NCOA2: variants seen among roughly 807,000 people sequenced by gnomAD.
NCOA2 encodes the protein nuclear receptor coactivator 2.
Under a neutral mutation model 145.1 loss-of-function variants are expected in NCOA2, and 21 were observed. That is an observed-to-expected ratio of 0.14 (90% CI 0.10 to 0.21). NCOA2 has a LOEUF of 0.21. Ranked by LOEUF, NCOA2 falls within the 10% of genes least tolerant of loss-of-function variation. NCOA2 has a pLI of 1.00. For missense variants in NCOA2, 1,472 were observed against 1,837.6 expected, an observed-to-expected ratio of 0.80 and a Z score of 3.64; for synonymous variants, 619 against 637.5, an observed-to-expected ratio of 0.97 and a Z score of 0.44.
chr8:70,321,653 A>G (rs1440772580), intron 1 of NCOA2, among the ~76,000 whole-genome samples: 3 of 152,126 alleles, frequency 2.0e-5, no homozygotes, highest in African/African-American at 7.2e-5. Flanking sequence ...TCGCCACACA[A>G]GAAGCAAAAC....
intron 1 of NCOA2, among the ~76,000 whole-genome samples, chr8:70,358,559 C>CA (rs916251951): frequency 6.6e-6 from 1 of 151,940 alleles, no homozygotes; most frequent in African/African-American, 2.4e-5. Context: ...TATCCACATA[C>CA]AAAAAAATGA....
upstream of NCOA2, among the ~76,000 whole-genome samples, chr8:70,405,195 C>CT (rs1267228388): frequency 2.0e-5 from 3 of 152,100 alleles, no homozygotes; most frequent in Non-Finnish European, 2.9e-5. Flanking sequence ...TTAAACATGT[C>CT]TTCATCCTAA....
chr8:70,315,386 C>T (rs1225534351), intron 1 of NCOA2, among the ~76,000 whole-genome samples: 3 of 152,130 alleles, frequency 2.0e-5, no homozygotes, highest in Non-Finnish European at 2.9e-5. Context: ...GTATGGATGA[C>T]GCCATTATGG....
At chr8:70,291,620 T>C (rs1826685898) in intron 2 of NCOA2, among the ~76,000 whole-genome samples, 1 of 152,230 alleles carries the variant, frequency 6.6e-6, no homozygotes, top group African/African-American at 2.4e-5. Flanking sequence ...GAAGATTGCC[T>C]GGACTGTGAT....
intron 4 of NCOA2, among the ~76,000 whole-genome samples, chr8:70,185,285 C>A (rs1815934678): frequency 6.6e-6 from 1 of 152,154 alleles, no homozygotes; most frequent in Non-Finnish European, 1.5e-5. Flanking sequence ...TTTCAAAAAG[C>A]AGGTGTTCCT....
intron 4 of NCOA2, among the ~76,000 whole-genome samples, chr8:70,184,831 G>C (rs543214187): frequency 2.4e-4 from 36 of 152,274 alleles, no homozygotes; most frequent in Non-Finnish European, 4.6e-4. Flanking sequence ...TCACCTTAAT[G>C]GTGGCTATCT....
chr8:70,228,087 A>G (rs1020259217), intron 2 of NCOA2, among the ~76,000 whole-genome samples: 2 of 152,216 alleles, frequency 1.3e-5, no homozygotes, highest in Admixed American at 1.3e-4. Context: ...GAATTACTAG[A>G]ACTTAGAAAG....
the NCOA2 span, among the ~76,000 whole-genome samples, chr8:70,448,201 G>A: frequency 2.0e-5 from 3 of 152,128 alleles, no homozygotes; most frequent in Non-Finnish European, 4.4e-5. Flanking sequence ...TTAGAGGACT[G>A]AGGAAATCAT....
the NCOA2 span, among the ~76,000 whole-genome samples, chr8:70,409,776 A>C: frequency 0.045 from 6,870 of 152,204 alleles, 563 homozygotes; most frequent in African/African-American, 0.16. Flanking sequence ...AGGCTGAGGC[A>C]GAAGGATCAC....
At chr8:70,162,552 C>T (rs1057456176) in intron 9 of NCOA2, among the ~76,000 whole-genome samples, 159 bp downstream of exon 9, 3 of 152,204 alleles carry the variant, frequency 2.0e-5, no homozygotes, top group African/African-American at 4.8e-5. Context: ...CCTACAGGTT[C>T]TCCTGTTAAA....
intron 11 of NCOA2, among the ~76,000 whole-genome samples, chr8:70,151,764 T>C (rs755480991): frequency 3.9e-5 from 6 of 152,238 alleles, no homozygotes; most frequent in Admixed American, 1.3e-4. Context: ...GTTTATTCCT[T>C]GTCAATTTAT....
At chr8:70,336,414 GTAAT>G (rs1043053869) in intron 1 of NCOA2, among the ~76,000 whole-genome samples, 2 of 152,064 alleles carry the variant, frequency 1.3e-5, no homozygotes, top group Non-Finnish European at 2.9e-5. Context: ...TTTTTTAAAG[GTAAT>G]TAATGTTTAA....
intron 2 of NCOA2, among the ~76,000 whole-genome samples, chr8:70,295,163 C>T (rs78134400): frequency 0.061 from 9,241 of 152,194 alleles, 348 homozygotes; most frequent in East Asian, 0.16. Flanking sequence ...AATAAGTAGT[C>T]AGCTTATAAA....
chr8:70,362,120 A>ATATT (rs1217200289), intron 1 of NCOA2, among the ~76,000 whole-genome samples: 5 of 152,200 alleles, frequency 3.3e-5, no homozygotes. Context: ...TGGAGCACAG[A>ATATT]TATTTACTGT....
chr8:70,222,356 C>G (rs1820220774), intron 2 of NCOA2, among the ~76,000 whole-genome samples: 1 of 152,174 alleles, frequency 6.6e-6, no homozygotes, highest in African/African-American at 2.4e-5. Flanking sequence ...AAGAAAATAA[C>G]ATATCCTGCA....
intron 2 of NCOA2, among the ~76,000 whole-genome samples, chr8:70,254,336 C>CA (rs1332653264): frequency 2.0e-5 from 3 of 151,988 alleles, no homozygotes; most frequent in Non-Finnish European, 4.4e-5. Flanking sequence ...AAAAATTTTT[C>CA]AAAAAACATG....
At chr8:70,133,200 C>T (rs1330836713) in intron 15 of NCOA2, among the ~76,000 whole-genome samples, 8 of 106,964 alleles carry the variant, frequency 7.5e-5, no homozygotes, top group South Asian at 3.5e-4. Context: ...CTGGCTGCTA[C>T]TTTTTTTTTT....
At chr8:70,143,202 C>T (rs1810656305) in intron 13 of NCOA2, among the ~76,000 whole-genome samples, 1 of 152,130 alleles carries the variant, frequency 6.6e-6, no homozygotes, top group South Asian at 2.1e-4. Context: ...CCCGCCTTGG[C>T]CTCCCAAAGT....
intron 1 of NCOA2, among the ~76,000 whole-genome samples, chr8:70,386,767 T>C (rs574311388): frequency 1.3e-5 from 2 of 152,330 alleles, no homozygotes; most frequent in South Asian, 2.1e-4. Context: ...AATCTTCTAT[T>C]TGATGCTCAG....
Sources: allele counts gnomAD v4.1 joint callset (sites outside exome capture counted in the v4.1 genomes callset), GRCh38; gene constraint gnomAD v4.1.1; transcripts MANE v1.5; gene names NCBI Gene and HGNC (gene_info 2026-07-23, HGNC 2026-07-21).